DOCK4: variants seen among roughly 807,000 people sequenced by gnomAD.
DOCK4 encodes the protein dedicator of cytokinesis 4, also known as dedicator of cytokinesis protein 4.
A neutral mutation model predicts 268.1 loss-of-function variants in DOCK4; 97 were observed. The observed-to-expected ratio is 0.36, with a 90% confidence interval of 0.31 to 0.43. The LOEUF (loss-of-function observed/expected upper bound fraction) is 0.43, where lower values mean the gene tolerates loss of function less well. DOCK4 is among the 20% of genes least tolerant of loss of function. DOCK4 has a pLI of 1.00. For synonymous variants in DOCK4, 954 were observed against 887.2 expected (o/e 1.08, Z -1.34); for missense variants, 2,145 against 2,455.7 (o/e 0.87, Z 2.67).
At chr7:111,878,306 C>T (rs996977325) in intron 16 of DOCK4, among the ~76,000 whole-genome samples, 2 of 152,112 alleles carry the variant, frequency 1.3e-5, no homozygotes, top group Non-Finnish European at 2.9e-5. Context: ...GACTAAATTC[C>T]ACATGAGATA....
intron 38 of DOCK4, among the ~76,000 whole-genome samples, chr7:111,765,605 A>G (rs1797715680): frequency 6.6e-6 from 1 of 152,224 alleles, no homozygotes; most frequent in Non-Finnish European, 1.5e-5. Flanking sequence ...AGAAATTAAC[A>G]TGAATTATTA....
chr7:112,206,106 G>T lies in DOCK4; in HGVS notation c.33C>A (p.Gly11=), dbSNP rs1473615002. MWIPTEHEKY[G]VVIASFRGTV... Reference sequence around the variant, plus strand: ...GTTCGCCCCGCGGAGACTCACCCACGCCGTATTTCTCGTGCTCCGTAGGTA... The same window carrying T: ...GTTCGCCCCGCGGAGACTCACCCACTCCGTATTTCTCGTGCTCCGTAGGTA... Residue 11 remains glycine, a synonymous_variant, in exon 1 of 53, where the codon GGC becomes GGA. Coordinates refer to ENST00000428084, the MANE Select transcript of DOCK4 (RefSeq NM_001363540.2). 1.3e-6 allele frequency: 2 copies of T among 1,584,942 alleles called. No homozygotes were observed. Among genetic ancestry groups the T allele is most frequent in the South Asian group, 2.3e-5 (2 of 86,926 alleles).
At chr7:112,174,606 A>G (rs1380863466) in intron 1 of DOCK4, among the ~76,000 whole-genome samples, 1 of 152,192 alleles carries the variant, frequency 6.6e-6, no homozygotes, top group Admixed American at 6.5e-5. Context: ...CAGGGAAAAA[A>G]GGCAGGATTT....
At chr7:111,784,145 A>G (rs1247822016) in intron 32 of DOCK4, 22 bp from the exon 33 acceptor site, 1 of 1,565,876 alleles carries the variant, frequency 6.4e-7, no homozygotes. Flanking sequence ...AGCATTGACA[A>G]AGCAAATTGA....
At chr7:112,175,595 T>G (rs1043702307) in intron 1 of DOCK4, among the ~76,000 whole-genome samples, 1 of 144,914 alleles carries the variant, frequency 6.9e-6, no homozygotes, top group Non-Finnish European at 1.5e-5. Flanking sequence ...CATAAAACTC[T>G]CATATTTTTT....
chr7:112,171,064 C>A (rs1458649241), intron 1 of DOCK4, among the ~76,000 whole-genome samples: 1 of 152,188 alleles, frequency 6.6e-6, no homozygotes, highest in Non-Finnish European at 1.5e-5. Flanking sequence ...TTTTCCAGGA[C>A]ACAATAAGTA....
chr7:111,819,346 T>C (rs1801804248), intron 27 of DOCK4: 2 of 152,230 alleles, frequency 1.3e-5, no homozygotes, highest in Admixed American at 1.3e-4. Context: ...TGGTACTTAA[T>C]TTTCATCTTC....
At chr7:111,880,598 T>C (rs192537706) in intron 16 of DOCK4, among the ~76,000 whole-genome samples, 1 of 152,302 alleles carries the variant, frequency 6.6e-6, no homozygotes, top group African/African-American at 2.4e-5. Context: ...TACTCTTTAC[T>C]TAAGCAGAAA....
At chr7:112,194,290 A>C (rs540337294) in intron 1 of DOCK4, among the ~76,000 whole-genome samples, 2 of 152,348 alleles carry the variant, frequency 1.3e-5, no homozygotes, top group South Asian at 4.1e-4. Context: ...GAGCAGTGAC[A>C]CCAACATCAG....
At chr7:111,736,705 G>A (rs770717733) in intron 50 of DOCK4, among the ~76,000 whole-genome samples, 19 of 152,164 alleles carry the variant, frequency 1.2e-4, no homozygotes, top group Non-Finnish European at 2.2e-4. Context: ...TTCCTATCTT[G>A]CTCAGATTCT....
intron 8 of DOCK4, among the ~76,000 whole-genome samples, chr7:111,948,438 G>C (rs1010492864): frequency 2.6e-5 from 4 of 152,114 alleles, no homozygotes; most frequent in Non-Finnish European, 5.9e-5. Context: ...TCATTTGCCT[G>C]ACCCACTCAG....
intron 27 of DOCK4, among the ~76,000 whole-genome samples, chr7:111,818,660 G>C (rs1801748869): frequency 6.6e-6 from 1 of 152,040 alleles, no homozygotes; most frequent in Non-Finnish European, 1.5e-5. Context: ...TTTCTCTTTG[G>C]TCTCTCCACA....
chr7:111,744,858 A>G (rs1796161340), intron 44 of DOCK4, among the ~76,000 whole-genome samples: 1 of 152,148 alleles, frequency 6.6e-6, no homozygotes, highest in Admixed American at 6.5e-5. Context: ...CTCTCCCTGT[A>G]GTATTAGGTT....
intron 41 of DOCK4, 107 bp downstream of exon 41, chr7:111,758,517 G>A (rs987417404): frequency 3.0e-5 from 38 of 1,283,368 alleles, no homozygotes; most frequent in Non-Finnish European, 3.8e-5. Flanking sequence ...AGTCCCTTCT[G>A]TTTCTGTCAC....
At chr7:112,177,544 C>T (rs1818638982) in intron 1 of DOCK4, among the ~76,000 whole-genome samples, 1 of 152,124 alleles carries the variant, frequency 6.6e-6, no homozygotes, top group African/African-American at 2.4e-5. Flanking sequence ...TTCCTCACAT[C>T]ATTCCTCAAA....
rs375787856 is a variant in DOCK4, at chr7:112,028,853, G to A, written c.38-24722C>T. Among the ~76,000 whole-genome samples the A allele has an allele frequency of 7.2e-5, 11 of 152,220 alleles. No homozygotes were observed. The East Asian group carries it at 1.2e-3, about 16-fold the overall frequency. On this transcript the variant is annotated intron_variant, in intron 1 of 52. Coordinates refer to ENST00000428084, the MANE Select transcript of DOCK4 (RefSeq NM_001363540.2). ...CGTTAGACAACAAGCATTTCACACC[G>A]AATCATCCTACTGCTCAAACCTGCT...
Position 112,169,257 on chromosome 7 carries a change from G to A in DOCK4, c.37+36845C>T, listed in dbSNP as rs917908658. On this transcript the variant is annotated intron_variant, in intron 1 of 52. Transcript: ENST00000428084. The stretch of plus-strand genomic sequence containing the variant: ...AGCCATGCTTCTAGTACAGCCTGTG[G>A]AATTGTGAGTCCATTAAACCTCTTT... Among the ~76,000 whole-genome samples the A allele has an allele frequency of 3.9e-5, 6 of 152,132 alleles. No individual in the cohort carries two copies. The South Asian group carries it at 6.2e-4, about 16-fold the overall frequency.
At chr7:111,865,611 T>C (rs1805909364) in intron 22 of DOCK4, among the ~76,000 whole-genome samples, 2 of 152,248 alleles carry the variant, frequency 1.3e-5, no homozygotes, top group African/African-American at 2.4e-5. Context: ...TGTGATTACA[T>C]AATGTCACAT....
chr7:111,772,507 A>G (rs771818035), intron 36 of DOCK4, among the ~76,000 whole-genome samples: 1 of 152,216 alleles, frequency 6.6e-6, no homozygotes, highest in Non-Finnish European at 1.5e-5. Context: ...ATTAAAAAAC[A>G]AAAAGAGGCC....
Sources: allele counts gnomAD v4.1 joint callset (sites outside exome capture counted in the v4.1 genomes callset), GRCh38; gene constraint gnomAD v4.1.1; transcripts MANE v1.5; gene names NCBI Gene and HGNC (gene_info 2026-07-23, HGNC 2026-07-21).